Variants in IMPG1 observed in about 807,000 individuals in gnomAD.
The protein encoded by IMPG1 is interphotoreceptor matrix proteoglycan 1.
Under a neutral mutation model 92.0 loss-of-function variants are expected in IMPG1, and 85 were observed. The observed-to-expected ratio is 0.92, with a 90% confidence interval of 0.78 to 1.11. The LOEUF is 1.11. Among genes scored for constraint, IMPG1 ranks in the 50% least tolerant of loss-of-function variants. The probability of loss-of-function intolerance (pLI) is 0.00; values close to 1 mark genes in which losing one functional copy is unlikely to be tolerated. For synonymous variants in IMPG1, 367 were observed against 334.1 expected (o/e 1.10, Z -1.08); for missense variants, 1,022 against 956.0 (o/e 1.07, Z -0.91).
Position 76,034,314 on chromosome 6 carries a change from C to T in IMPG1, c.497+1G>A, listed in dbSNP as rs749963953. 1 of 1,613,006 alleles carries T rather than the reference C, an allele frequency of 6.2e-7. No individual in the cohort carries two copies. Among genetic ancestry groups the T allele is most frequent in the Admixed American group, 1.7e-5 (1 of 59,994 alleles). The stretch of plus-strand genomic sequence containing the variant: ...ACACACACTCTATTTTGGGTACTTG[C>T]CTGTCAGGGAAACTTCTCTGTTTTA... On this transcript the variant is annotated splice_donor_variant, in intron 4 of 16. Transcript: ENST00000369950. LOFTEE classifies it high-confidence loss of function.
intron 2 of IMPG1, among the ~76,000 whole-genome samples, chr6:76,041,002 A>G (rs1038123659): frequency 2.6e-5 from 4 of 152,216 alleles, no homozygotes; most frequent in South Asian, 4.1e-4. Context: ...GCAAACATCT[A>G]GTGTGATCAA....
chr6:75,932,678 G>A (rs187146506), intron 14 of IMPG1, among the ~76,000 whole-genome samples: 1 of 152,080 alleles, frequency 6.6e-6, no homozygotes, highest in East Asian at 1.9e-4. Flanking sequence ...ACTTATTCAT[G>A]GGTAGGCCAT....
intron 15 of IMPG1, among the ~76,000 whole-genome samples, chr6:75,929,837 G>A (rs1373922248): frequency 6.6e-6 from 1 of 151,872 alleles, no homozygotes; most frequent in Non-Finnish European, 1.5e-5. Context: ...TGGTGTTAGG[G>A]GTCCAAATTC....
intron 1 of IMPG1, among the ~76,000 whole-genome samples, chr6:76,064,111 G>T (rs1421596797): frequency 6.7e-6 from 1 of 149,694 alleles, no homozygotes; most frequent in African/African-American, 2.4e-5. Context: ...CTTCCTGAAG[G>T]TTACGGCATG....
Position 76,042,000 on chromosome 6 carries a change from T to G in IMPG1, c.194A>C (p.Lys65Thr). Residue 65 changes from lysine to threonine, a missense_variant, in exon 2 of 17, where the codon AAG becomes ACG. By Grantham distance (78) the Lys-to-Thr change is moderately conservative (BLOSUM62 -1). Around this residue, in one of 3 missense-constraint regions of IMPG1, gnomAD observed 681 missense variants for 583.6 expected, o/e 1.17. Coordinates refer to ENST00000369950, the MANE Select transcript of IMPG1 (RefSeq NM_001563.4). ...AAATGCGGATCTTTTTGTTCGATGC[T>G]TTGCCAAATCGAATATTCGTCTCAT... ...STMRRIFDLA[K>T]HRTKRSAFFP... The G allele has an allele frequency of 6.2e-7, 1 of 1,613,726 alleles. No individual in the cohort carries two copies. The highest frequency in any genetic ancestry group is 8.5e-7 in the Non-Finnish European group (1 of 1,179,600).
At position 75,923,668 on chromosome 6, in the gene IMPG1, CT is replaced by C. The variant is rs767730844; in HGVS notation, c.2281del (p.Ser761ValfsTer13). 6.9e-6 allele frequency: 11 copies of C among 1,589,646 alleles called. No homozygotes were observed. ...DHSENQAYKT[S>X]VKKFQNQQNN... ...TTGTTGATTTTGGAACTTTTTAACA[CT>C]AGTTTTGTATGCTTGATTTTCAGAG... On this transcript the variant is annotated frameshift_variant, in exon 16 of 17. Transcript: ENST00000369950. LOFTEE classifies it high-confidence loss of function.
In IMPG1 at chr6:76,069,065, C is replaced by A. The variant is rs572852615; in HGVS notation, c.67+3357G>T. On this transcript the variant is annotated intron_variant, in intron 1 of 16. Transcript: ENST00000369950. ...ATATAGAATGGAACAGAGTAGAGAA[C>A]CCACATACCTACAACCAGTTCATCT... Among the ~76,000 whole-genome samples, 3 of 151,974 alleles carry A rather than the reference C, an allele frequency of 2.0e-5. No homozygotes were observed. The South Asian group carries it at 6.3e-4, about 32-fold the overall frequency.
At chr6:76,071,121 A>G (rs1316044818) in intron 1 of IMPG1, among the ~76,000 whole-genome samples, 1 of 148,620 alleles carries the variant, frequency 6.7e-6, no homozygotes, top group African/African-American at 2.4e-5. Context: ...ATTAAATTAT[A>G]TGTATATGTA....
Position 75,931,151 on chromosome 6 carries a change from G to C in IMPG1, c.2045C>G (p.Ala682Gly). 6.2e-7 allele frequency: 1 copy of C among 1,610,244 alleles called. No individual in the cohort carries two copies. The highest frequency in any genetic ancestry group is 1.1e-5 in the South Asian group (1 of 90,388). The change falls in exon 15 of 17, where the codon GCT becomes GGT. Residue 682 changes from alanine (A) to glycine (G), a missense_variant and splice_region_variant. By Grantham distance (60) the Ala-to-Gly change is moderately conservative. This residue lies in a region of IMPG1 where 332 missense variants were observed against 346.2 expected (regional missense o/e 0.96). Transcript: ENST00000369950. ...IDSYSLNIEP[A>G]DQADPCKFLA... ...GAACTTGCAGGGATCTGCTTGATCA[G>C]CTGTAAGAAATGGGGCAGATTTTAA...
At chr6:75,984,208 A>G (rs2149470712) in intron 12 of IMPG1, among the ~76,000 whole-genome samples, 1 of 152,360 alleles carries the variant, frequency 6.6e-6, no homozygotes, top group South Asian at 2.1e-4. Flanking sequence ...CAGCAATCCC[A>G]CTAGTGGGTA....
At chr6:75,988,019 C>A (rs1345543655) in intron 12 of IMPG1, among the ~76,000 whole-genome samples, 1 of 152,146 alleles carries the variant, frequency 6.6e-6, no homozygotes, top group East Asian at 1.9e-4. Context: ...TCCAGTCTAT[C>A]ATTGATGGAC....
rs186060010 is a variant in IMPG1, at chr6:75,965,889, G to A, written c.1292-14795C>T. On this transcript the variant is annotated intron_variant, in intron 12 of 16. Coordinates refer to ENST00000369950, the MANE Select transcript of IMPG1 (RefSeq NM_001563.4). ...CCCAAAGTGCTAGGATTACAGGCAT[G>A]AGCCACCACGCCCAGCCACACACTT... is the stretch of plus-strand genomic sequence containing the variant. Among the ~76,000 whole-genome samples the A allele has an allele frequency of 8.9e-3, 1,359 of 152,266 alleles. 7 individuals carry two copies. The highest frequency in any genetic ancestry group is 0.015 in the Non-Finnish European group (1,037 of 68,006).
intron 2 of IMPG1, among the ~76,000 whole-genome samples, chr6:76,039,822 G>T (rs1033306202): frequency 6.6e-6 from 1 of 152,148 alleles, no homozygotes; most frequent in East Asian, 1.9e-4. Context: ...TGCCTCTTTT[G>T]CATTTGGGCT....
chr6:75,966,871 T>G (rs1289149571), intron 12 of IMPG1, among the ~76,000 whole-genome samples: 1 of 151,986 alleles, frequency 6.6e-6, no homozygotes, highest in African/African-American at 2.4e-5. Context: ...GGAGAAAAAT[T>G]TTTCTGATAC....
At chr6:76,031,548 G>A (rs1783653702) in intron 4 of IMPG1, among the ~76,000 whole-genome samples, 1 of 152,162 alleles carries the variant, frequency 6.6e-6, no homozygotes, top group Non-Finnish European at 1.5e-5. Context: ...TGCTATAGTG[G>A]AATTTGAAAT....
intron 12 of IMPG1, among the ~76,000 whole-genome samples, chr6:75,987,975 T>C (rs539876078): frequency 6.6e-6 from 1 of 152,262 alleles, no homozygotes; most frequent in African/African-American, 2.4e-5. Flanking sequence ...GGCTGCATAG[T>C]ATTCCATGGT....
intron 4 of IMPG1, among the ~76,000 whole-genome samples, chr6:76,032,676 A>T (rs1783671243): frequency 6.6e-6 from 1 of 152,216 alleles, no homozygotes; most frequent in African/African-American, 2.4e-5. Context: ...TGCAAACTCA[A>T]ATAGTCTGTT....
chr6:76,010,389 G>A (rs538403135), intron 8 of IMPG1, among the ~76,000 whole-genome samples: 36 of 152,224 alleles, frequency 2.4e-4, no homozygotes, highest in African/African-American at 8.2e-4. Flanking sequence ...ATCTGTAGAC[G>A]TTTTGAAAAA....
At chr6:75,942,935 C>T (rs1475656904) in intron 14 of IMPG1, among the ~76,000 whole-genome samples, 1 of 151,794 alleles carries the variant, frequency 6.6e-6, no homozygotes, top group African/African-American at 2.4e-5. Flanking sequence ...ACTGTACAGG[C>T]TTTTTTTTAG....
Sources: allele counts gnomAD v4.1 joint callset (sites outside exome capture counted in the v4.1 genomes callset), GRCh38; gene constraint gnomAD v4.1.1; regional missense constraint gnomAD v4.1.1; transcripts MANE v1.5; gene names NCBI Gene and HGNC (gene_info 2026-07-23, HGNC 2026-07-21).